Variants in PALM2AKAP2 observed in about 807,000 individuals in gnomAD.
PALM2AKAP2 encodes PALM2 and AKAP2 fusion.
PALM2AKAP2 carries 37 observed loss-of-function variants against 71.5 expected under a neutral mutation model. That is an observed-to-expected ratio of 0.52 (90% confidence interval 0.40 to 0.68). The LOEUF (loss-of-function observed/expected upper bound fraction) is 0.68, where lower values mean the gene tolerates loss of function less well. PALM2AKAP2 is among the 30% of genes least tolerant of loss of function. The pLI is 0.00. For synonymous variants in PALM2AKAP2, 468 were observed against 478.8 expected (o/e 0.98, Z 0.29); for missense variants, 1,224 against 1,191.8 (o/e 1.03, Z -0.40).
intron 6 of PALM2AKAP2, among the ~76,000 whole-genome samples, chr9:110,012,670 T>C (rs547257538): frequency 6.6e-6 from 1 of 152,364 alleles, no homozygotes; most frequent in South Asian, 2.1e-4. Flanking sequence ...TCACTCTTGT[T>C]ATGAAATGTT....
intron 1 of PALM2AKAP2, among the ~76,000 whole-genome samples, chr9:109,754,714 C>G (rs1224557381): frequency 6.6e-6 from 1 of 152,104 alleles, no homozygotes; most frequent in Non-Finnish European, 1.5e-5. Context: ...GCTGCATTCT[C>G]ACATAACTGA....
chr9:109,867,164 C>CTCTCTG (rs879237135), intron 1 of PALM2AKAP2: 76 of 399,910 alleles, frequency 1.9e-4, no homozygotes, highest in African/African-American at 1.3e-3. Context: ...ACATGGTTCT[C>CTCTCTG]TGTGTGTGTG....
intron 1 of PALM2AKAP2, among the ~76,000 whole-genome samples, chr9:109,662,138 C>A (rs28838950): frequency 0.064 from 9,770 of 151,852 alleles, 667 homozygotes; most frequent in African/African-American, 0.18. Flanking sequence ...TTCCTCTTTT[C>A]CTAATTGAAT....
At chr9:109,681,557 G>A (rs902686117) in intron 1 of PALM2AKAP2, among the ~76,000 whole-genome samples, 1 of 152,186 alleles carries the variant, frequency 6.6e-6, no homozygotes, top group African/African-American at 2.4e-5. Context: ...ACATGGATAT[G>A]CCTAATTATG....
At chr9:110,076,211 A>T (rs568528710) in intron 1 of PALM2AKAP2, among the ~76,000 whole-genome samples, 1 of 151,934 alleles carries the variant, frequency 6.6e-6, no homozygotes, top group African/African-American at 2.4e-5. Flanking sequence ...TGTAAAGAAT[A>T]TTTTTCCTTC....
At chr9:110,067,624 C>G (rs1305267614) in intron 1 of PALM2AKAP2, among the ~76,000 whole-genome samples, 1 of 152,192 alleles carries the variant, frequency 6.6e-6, no homozygotes, top group Non-Finnish European at 1.5e-5. Context: ...CCTCCTCCAC[C>G]CTGGCTGTTG....
At chr9:110,042,477 A>G (rs925666203) in intron 7 of PALM2AKAP2, among the ~76,000 whole-genome samples, 2 of 152,218 alleles carry the variant, frequency 1.3e-5, no homozygotes, top group East Asian at 3.8e-4. Flanking sequence ...CCTTTTTGCC[A>G]TTAAGTAAGA....
Position 109,882,505 on chromosome 9 carries a change from A to G in PALM2AKAP2, c.257+1824A>G, listed in dbSNP as rs543690577. 7.9e-5 allele frequency among the ~76,000 whole-genome samples: 12 copies of G among 152,368 alleles called. No individual in the cohort carries two copies. The South Asian group carries it at 2.3e-3, about 29-fold the overall frequency. On this transcript the variant is annotated intron_variant, in intron 3 of 9. Coordinates refer to the PALM2AKAP2 transcript ENST00000302798. Reference sequence around the variant, plus strand: ...GCTTTTTCTTAGAATACAAAGGATAAAGGCTAAACTGTTACCAACCATTTA... The same window carrying G: ...GCTTTTTCTTAGAATACAAAGGATAGAGGCTAAACTGTTACCAACCATTTA...
At chr9:109,815,822 T>C (rs117748834) in intron 1 of PALM2AKAP2, among the ~76,000 whole-genome samples, 3,671 of 152,132 alleles carry the variant, frequency 0.024, 76 homozygotes, top group Non-Finnish European at 0.032. Context: ...AGAGAGGGCA[T>C]AGGATTTGCA....
At chr9:109,890,283 C>T (rs533372932) in intron 3 of PALM2AKAP2, among the ~76,000 whole-genome samples, 2 of 152,288 alleles carry the variant, frequency 1.3e-5, no homozygotes, top group South Asian at 4.1e-4. Context: ...ATCCCCACTT[C>T]GTGTTTCCCC....
intron 1 of PALM2AKAP2, among the ~76,000 whole-genome samples, chr9:110,128,227 G>T (rs1835658754): frequency 6.6e-6 from 1 of 152,176 alleles, no homozygotes; most frequent in Non-Finnish European, 1.5e-5. Flanking sequence ...TTCTGCATTT[G>T]CCTTCATGCT....
rs185607839 is a variant in PALM2AKAP2 at position 109,931,320 on chromosome 9, A to G, written c.395-607A>G. On this transcript the variant is annotated intron_variant, in intron 5 of 9. Transcript: ENST00000302798. The stretch of plus-strand genomic sequence containing the variant: ...TGGGCTAATGGTGGGCTCAAGGGGT[A>G]TTGTCATTTAGAATCTCAGGACTTT... Among the ~76,000 whole-genome samples the G allele has an allele frequency of 2.0e-5, 3 of 152,304 alleles. No homozygotes were observed. The East Asian group carries it at 5.8e-4, about 29-fold the overall frequency.
chr9:109,856,957 A>G (rs1057319129), intron 1 of PALM2AKAP2, among the ~76,000 whole-genome samples: 2 of 152,116 alleles, frequency 1.3e-5, no homozygotes, highest in Non-Finnish European at 2.9e-5. Context: ...CACGACAGCT[A>G]TGTTCAGTTG....
At chr9:109,768,318 T>TA (rs147606507) in intron 1 of PALM2AKAP2, among the ~76,000 whole-genome samples, 70 of 151,306 alleles carry the variant, frequency 4.6e-4, no homozygotes, top group Admixed American at 9.2e-4. Context: ...TCCAAGTACT[T>TA]AAAAAAAAAG....
chr9:110,135,164 A>AAAAAAAAAAAAAAAAAAATATATAT, intron 1 of PALM2AKAP2, among the ~76,000 whole-genome samples: 1 of 51,744 alleles, frequency 1.9e-5, no homozygotes, highest in African/African-American at 7.4e-5. Flanking sequence ...AAAAAAAAAA[A>AAAAAAAAAAAAAAAAAAATATATAT]ATATATAAAT....
At chr9:110,167,004 T>A (rs1587885098) in intron 3 of PALM2AKAP2, among the ~76,000 whole-genome samples, 1 of 152,148 alleles carries the variant, frequency 6.6e-6, no homozygotes, top group Non-Finnish European at 1.5e-5. Context: ...TGGCAGAAGG[T>A]GAAGGAAGAT....
intron 6 of PALM2AKAP2, among the ~76,000 whole-genome samples, chr9:109,994,120 A>G (rs1303236174): frequency 1.3e-5 from 2 of 152,168 alleles, no homozygotes; most frequent in African/African-American, 4.8e-5. Context: ...AAGGGGAGGG[A>G]GGACGGGAGG....
intron 1 of PALM2AKAP2, among the ~76,000 whole-genome samples, chr9:110,057,117 GC>G (rs1036890409): frequency 6.6e-6 from 1 of 152,056 alleles, no homozygotes; most frequent in African/African-American, 2.4e-5. Context: ...TTGAGTGTCG[GC>G]TGGTAAGTTG....
intron 1 of PALM2AKAP2, among the ~76,000 whole-genome samples, chr9:109,748,454 G>A (rs1182478741): frequency 2.0e-5 from 3 of 152,062 alleles, no homozygotes; most frequent in African/African-American, 7.2e-5. Context: ...AGAGGAGTGA[G>A]ATAACATGGG....
Sources: gnomAD v4.1 joint callset for allele counts (sites outside exome capture counted in the v4.1 genomes callset) on GRCh38, gnomAD v4.1.1 for gene constraint, MANE v1.5 for transcripts, NCBI Gene and HGNC (gene_info 2026-07-23, HGNC 2026-07-21) for gene names.